IL4: variants seen among roughly 807,000 people sequenced by gnomAD.
The protein encoded by IL4 is interleukin-4.
In IL4, 10 loss-of-function variants were observed where a neutral mutation model predicts 17.4. That is an observed-to-expected ratio of 0.57 (90% confidence interval 0.35 to 0.97). The LOEUF (loss-of-function observed/expected upper bound fraction) is 0.97, where lower values mean the gene tolerates loss of function less well. IL4 is among the 50% of genes least tolerant of loss of function. IL4 has a pLI of 0.01. For synonymous variants in IL4, 87 were observed against 79.0 expected, an observed-to-expected ratio of 1.10 and a Z score of -0.54; for missense variants, 174 against 187.7, an observed-to-expected ratio of 0.93 and a Z score of 0.43.
chr5:132,674,547 A>G lies in IL4; in HGVS notation c.183+41A>G, dbSNP rs777733976. The G allele has an allele frequency of 4.6e-6, 7 of 1,509,014 alleles. No individual in the cohort carries two copies. The South Asian group carries it at 7.9e-5, about 17-fold the overall frequency. The allele number at this position is 1,509,014 out of a possible 1,614,324, so 93.5% of individuals were successfully genotyped here. A position where few individuals can be genotyped will look rare whatever the true frequency, so the allele number is the denominator to read the frequency against. The stretch of plus-strand genomic sequence containing the variant: ...ACGGTCTGTTTTAGCAAATGGGGAG[A>G]TCCATCCCCAAATGTCTGAACAAGA... On this transcript the variant is annotated intron_variant, in intron 2 of 3. Coordinates refer to ENST00000231449, the MANE Select transcript of IL4 (RefSeq NM_000589.4).
Position 132,680,929 on chromosome 5 carries a change from C to T in IL4, c.360+1039C>T, listed in dbSNP as rs1303173597. ...TTTGTTCCTGCCCAAACCCCTCTGG[C>T]GATGGTCAGTACTGTTTACAGAGAG... is the stretch of plus-strand genomic sequence containing the variant. On this transcript the variant is annotated intron_variant, in intron 3 of 3. Transcript: ENST00000231449. This position sits in a 1 kb window ranked among gnomAD's most constrained non-coding sequence, Gnocchi z 4.3. Among the ~76,000 whole-genome samples, 4 of 152,126 alleles carry T rather than the reference C, an allele frequency of 2.6e-5. No homozygotes were observed. The highest frequency in any genetic ancestry group is 9.7e-5 in the African/African-American group (4 of 41,412).
chr5:132,682,156 G>A (rs1752499630), intron 3 of IL4, among the ~76,000 whole-genome samples: 1 of 152,116 alleles, frequency 6.6e-6, no homozygotes, highest in Non-Finnish European at 1.5e-5. Context: ...CACCGGGCAG[G>A]TCTGAGCCAG....
chr5:132,674,040 G>T lies in IL4; in HGVS notation c.-11G>T, dbSNP rs199810573. On this transcript the variant is annotated 5_prime_UTR_variant, in exon 1 of 4. Coordinates refer to ENST00000231449, the MANE Select transcript of IL4 (RefSeq NM_000589.4). ...TTGCCTCACATTGTCACTGCAAATC[G>T]ACACCTATTAATGGGTCTCACCTCC... The T allele has an allele frequency of 6.2e-7, 1 of 1,613,390 alleles. No homozygotes were observed. Among genetic ancestry groups the T allele is most frequent in the Non-Finnish European group, 8.5e-7 (1 of 1,179,514 alleles).
chr5:132,682,467 T>C lies in IL4; in HGVS notation c.361-19T>C. On this transcript the variant is annotated intron_variant, in intron 3 of 3. Coordinates refer to ENST00000231449, the MANE Select transcript of IL4 (RefSeq NM_000589.4). ...ACAAATGCTTACCAATGCAAGCTAA[T>C]GAAATGTTTCTTTTGCAGAATTCCT... 1 of 1,454,022 alleles carries C rather than the reference T, an allele frequency of 6.9e-7. No individual in the cohort carries two copies. The highest frequency in any genetic ancestry group is 9.6e-7 in the Non-Finnish European group (1 of 1,037,574). The allele number at this position is 1,454,022 out of a possible 1,614,324, so 90.1% of individuals were successfully genotyped here.
rs1320463160 is a variant in IL4 at position 132,679,634 on chromosome 5, A to T, written c.184-80A>T. The T allele has an allele frequency of 3.9e-6, 5 of 1,278,672 alleles. No individual in the cohort carries two copies. In the African/African-American group the frequency reaches 7.4e-5, roughly 19 times the overall value. 79.2% of individuals were successfully genotyped at this position (1,278,672 alleles called of 1,614,324 possible). ...CACCTCCATTTGTCCTCCTGGAAAG[A>T]AGAAATCAAGAGGAAAAATCTCTCT... On this transcript the variant is annotated intron_variant, in intron 2 of 3. Coordinates refer to ENST00000231449, the MANE Select transcript of IL4 (RefSeq NM_000589.4).
In IL4 at chr5:132,674,638, G is replaced by A. The variant is rs1016078748; in HGVS notation, c.183+132G>A. 3.0e-5 allele frequency: 21 copies of A among 692,980 alleles called. 1 individual carries two copies. In the Admixed American group the frequency reaches 5.1e-4, roughly 17 times the overall value. 42.9% of individuals were successfully genotyped at this position (692,980 alleles called of 1,614,324 possible). ...AAGGTGTTAGATGTTTTCAAAGAAC[G>A]AGAAGTCTGATCTTTACTCTTAAGC... On this transcript the variant is annotated intron_variant, in intron 2 of 3. Transcript: ENST00000231449.
In IL4 at chr5:132,677,494, G is replaced by A. The variant is rs376673635; in HGVS notation, c.184-2220G>A. ...GCTGCGATACCAGAGCAACTAAAACGTTAAGGCCTTGCACTAAAGCTGCCC... is the reference window on the plus strand; with the variant it reads ...GCTGCGATACCAGAGCAACTAAAACATTAAGGCCTTGCACTAAAGCTGCCC... On this transcript the variant is annotated intron_variant, in intron 2 of 3. Coordinates refer to ENST00000231449, the MANE Select transcript of IL4 (RefSeq NM_000589.4). Among the ~76,000 whole-genome samples, 15 of 152,286 alleles carry A rather than the reference G, an allele frequency of 9.8e-5. No homozygotes were observed. In the East Asian group the frequency reaches 1.5e-3, roughly 16 times the overall value.
At chr5:132,678,491 T>TTATC (rs1752425200) in intron 2 of IL4, among the ~76,000 whole-genome samples, 1 of 152,244 alleles carries the variant, frequency 6.6e-6, no homozygotes, top group African/African-American at 2.4e-5. Context: ...TAAATATATG[T>TTATC]TATCTTGATC....
intron 3 of IL4, among the ~76,000 whole-genome samples, 170 bp from the exon 4 acceptor site, chr5:132,682,316 T>C (rs906235415): frequency 2.7e-5 from 4 of 150,780 alleles, no homozygotes; most frequent in Non-Finnish European, 4.4e-5. Context: ...GCACCCAAAA[T>C]AGGCAAAACC....
Position 132,680,070 on chromosome 5 carries a change from G to GT in IL4, c.360+181dup, listed in dbSNP as rs1383650293. On this transcript the variant is annotated intron_variant, in intron 3 of 3. Coordinates refer to ENST00000231449, the MANE Select transcript of IL4 (RefSeq NM_000589.4). The surrounding 1 kb of genome is among the most constrained non-coding windows in gnomAD (Gnocchi z 4.3). ...GGGTGTGGTTCTAGGTGCTGAGGAC[G>GT]TGTCACTAAAGACACGCAGGCCGAG... 5.9e-5 allele frequency among the ~76,000 whole-genome samples: 9 copies of GT among 152,110 alleles called. No homozygotes were observed. The highest frequency in any genetic ancestry group is 1.2e-4 in the Non-Finnish European group (8 of 68,026).
Position 132,674,464 on chromosome 5 carries a change from G to A in IL4, c.141G>A (p.Leu47=). Residue 47 remains leucine (L), a synonymous_variant, in exon 2 of 4, where the codon CTG becomes CTA. Coordinates refer to ENST00000231449, the MANE Select transcript of IL4 (RefSeq NM_000589.4). ...TCATTTCTGCCTGGACCAAGACTCT[G>A]TGCACCGAGTTGACCGTAACAGACA... ...TLNSLTEQKT[L]CTELTVTDIF... 6.2e-7 allele frequency: 1 copy of A among 1,614,130 alleles called. No homozygotes were observed. The highest frequency in any genetic ancestry group is 8.5e-7 in the Non-Finnish European group (1 of 1,179,978).
chr5:132,674,011 CT>C lies in IL4; in HGVS notation c.-39del. 7 of 1,600,854 alleles carry C rather than the reference CT, an allele frequency of 4.4e-6. No homozygotes were observed. The highest frequency in any genetic ancestry group is 6.0e-6 in the Non-Finnish European group (7 of 1,168,468). On this transcript the variant is annotated 5_prime_UTR_variant, in exon 1 of 4. Coordinates refer to ENST00000231449, the MANE Select transcript of IL4 (RefSeq NM_000589.4). ...TGCATCGTTAGCTTCTCCTGATAAA[CT>C]AATTGCCTCACATTGTCACTGCAAA...
intron 2 of IL4, among the ~76,000 whole-genome samples, chr5:132,678,607 G>A (rs2243271): frequency 0.012 from 1,758 of 152,314 alleles, 36 homozygotes; most frequent in African/African-American, 0.04. Context: ...GGGTCTGGGT[G>A]GGGCAGGGGT....
rs150233516 is a variant in IL4, at chr5:132,675,929, A to ATATGTGTGTGTGTGTG, written c.183+1424_183+1425insATGTGTGTGTGTGTGT. ...TGTGTATGTATATATGTGTATGTAT[A>ATATGTGTGTGTGTGTG]TGTGTGTGTGTGTGTGTGTGTGTGT... On this transcript the variant is annotated intron_variant, in intron 2 of 3. Transcript: ENST00000231449. Among the ~76,000 whole-genome samples, 581 of 141,048 alleles carry ATATGTGTGTGTGTGTG rather than the reference A, an allele frequency of 4.1e-3. 7 individuals are homozygous for ATATGTGTGTGTGTGTG. The highest frequency in any genetic ancestry group is 0.015 in the African/African-American group (546 of 36,736). The allele number at this position is 141,048 out of a possible 152,430, so 92.5% of individuals were successfully genotyped here.
chr5:132,675,887 GTGTGTGTATATATA>G (rs1284833203), intron 2 of IL4, among the ~76,000 whole-genome samples: 1 of 143,746 alleles, frequency 7.0e-6, no homozygotes, highest in Admixed American at 7.5e-5. Flanking sequence ...GTATATATGT[GTGTGTGTATATATA>G]TGTGTGTATG....
In IL4 at chr5:132,674,157, A is replaced by T; in HGVS notation, c.107A>T (p.Lys36Ile). 1 of 1,614,182 alleles carries T rather than the reference A, an allele frequency of 6.2e-7. No homozygotes were observed. The highest frequency in any genetic ancestry group is 8.5e-7 in the Non-Finnish European group (1 of 1,180,020). The part of the protein sequence containing the change: ...KCDITLQEII[K>I]TLNSLTEQKT... The stretch of plus-strand genomic sequence containing the variant: ...GATATCACCTTACAGGAGATCATCA[A>T]AACTTTGAACAGCCTCACAGAGCAG... Residue 36 changes from lysine to isoleucine, a missense_variant, in exon 1 of 4, where the codon AAA becomes ATA. By Grantham distance (102) the Lys-to-Ile change is moderately radical. Transcript: ENST00000231449.
chr5:132,674,305 G>T, intron 1 of IL4, 120 bp downstream of exon 1: 1 of 1,372,558 alleles, frequency 7.3e-7, no homozygotes. Flanking sequence ...GCAGTCCAGG[G>T]CACACAGCGA....
At chr5:132,679,923 G>A (rs372966484) in intron 3 of IL4, 33 bp downstream of exon 3, 33 of 1,576,738 alleles carry the variant, frequency 2.1e-5, no homozygotes, top group Middle Eastern at 1.8e-4. Flanking sequence ...CAAGCCGGCC[G>A]CGTGGCTCCT....
chr5:132,675,867 GTGTGTGTGTGTA>G (rs1387797415), intron 2 of IL4, among the ~76,000 whole-genome samples: 1 of 148,926 alleles, frequency 6.7e-6, no homozygotes, highest in African/African-American at 2.5e-5. Context: ...GTGTGTGTGT[GTGTGTGTGTGTA>G]TATATGTGTG....
Sources: gnomAD v4.1 joint callset for allele counts (sites outside exome capture counted in the v4.1 genomes callset) on GRCh38, gnomAD v4.1.1 for gene constraint, Gnocchi (gnomAD v3.1) non-coding constraint, MANE v1.5 for transcripts, NCBI Gene and HGNC (gene_info 2026-07-23, HGNC 2026-07-21) for gene names.